Variants in HIVEP3 observed in about 807,000 individuals in gnomAD.
HIVEP3 encodes HIVEP zinc finger 3, also known as transcription factor HIVEP3.
Under a neutral mutation model 152.8 loss-of-function variants are expected in HIVEP3, and 49 were observed. That is an observed-to-expected ratio of 0.32 (90% confidence interval 0.26 to 0.41). The LOEUF (loss-of-function observed/expected upper bound fraction) is 0.41, where lower values mean the gene tolerates loss of function less well. Among genes scored for constraint, HIVEP3 ranks in the 10% least tolerant of loss-of-function variants. The probability of loss-of-function intolerance (pLI) is 1.00; values close to 1 mark genes in which losing one functional copy is unlikely to be tolerated. For synonymous variants in HIVEP3, 1,269 were observed against 1,289.0 expected (o/e 0.98, Z 0.33); for missense variants, 2,790 against 3,103.3 (o/e 0.90, Z 2.40).
chr1:41,801,032 A>G (rs1033251877), intron 1 of HIVEP3, among the ~76,000 whole-genome samples: 9 of 152,192 alleles, frequency 5.9e-5, no homozygotes, highest in Non-Finnish European at 1.0e-4. Context: ...ACAATTACTA[A>G]GTGGAGTTAA....
intron 3 of HIVEP3, among the ~76,000 whole-genome samples, chr1:41,595,612 A>T (rs1228233110): frequency 1.3e-5 from 2 of 152,156 alleles, no homozygotes; most frequent in Non-Finnish European, 2.9e-5. Flanking sequence ...ATCGAATGTC[A>T]ACTTGATTGG....
intron 1 of HIVEP3, among the ~76,000 whole-genome samples, chr1:41,978,728 C>T (rs942574689): frequency 6.6e-6 from 1 of 152,168 alleles, no homozygotes; most frequent in Non-Finnish European, 1.5e-5. Flanking sequence ...ACTAAGAATA[C>T]AGCAATAAAC....
chr1:41,592,622 C>T (rs35551789), intron 3 of HIVEP3, among the ~76,000 whole-genome samples: 7,615 of 152,212 alleles, frequency 0.05, 262 homozygotes, highest in African/African-American at 0.097. Context: ...AAGGTCAGGC[C>T]CACCTACTGG....
At chr1:41,877,132 CTTAAT>C (rs1344848206) in intron 1 of HIVEP3, among the ~76,000 whole-genome samples, 1 of 152,130 alleles carries the variant, frequency 6.6e-6, no homozygotes, top group African/African-American at 2.4e-5. Context: ...AGGAGAATAC[CTTAAT>C]TTAAGACTCC....
chr1:41,611,593 C>A (rs1644897401), intron 3 of HIVEP3, among the ~76,000 whole-genome samples: 1 of 152,230 alleles, frequency 6.6e-6, no homozygotes. Flanking sequence ...CCAAGGCAGG[C>A]AGGGGGTCTG....
In HIVEP3 at chr1:41,513,564, G is replaced by A. The variant is rs1261285198; in HGVS notation, c.5657C>T (p.Pro1886Leu). The A allele has an allele frequency of 1.2e-6, 2 of 1,612,326 alleles. No individual in the cohort carries two copies. Among genetic ancestry groups the A allele is most frequent in the Admixed American group, 3.3e-5 (2 of 59,918 alleles). ...RPSSEAPPPG[P>L]PHALRADSSP... ...GGAGTCTGCCCGCAGTGCATGTGGT[G>A]GGCCAGGCGGGGGCGCCTCTGAGGA... Residue 1886 changes from proline to leucine, a missense_variant, in exon 8 of 9, where the codon CCA becomes CTA. Physicochemically the swap from Pro to Leu is moderately conservative, Grantham distance 98. Around this residue, in one of 9 missense-constraint regions of HIVEP3, gnomAD observed 816 missense variants for 806.5 expected, o/e 1.01. Coordinates refer to ENST00000372583, the MANE Select transcript of HIVEP3 (RefSeq NM_024503.5).
chr1:41,865,773 C>T (rs1242834653), intron 1 of HIVEP3, among the ~76,000 whole-genome samples: 2 of 152,122 alleles, frequency 1.3e-5, no homozygotes, highest in African/African-American at 4.8e-5. Context: ...TTAAAATTTA[C>T]AGCAATAGCA....
intron 1 of HIVEP3, among the ~76,000 whole-genome samples, chr1:41,886,043 T>C (rs1475464218): frequency 6.6e-6 from 1 of 152,132 alleles, no homozygotes. Flanking sequence ...AATATATTCT[T>C]AGAATCATGT....
chr1:41,938,211 A>G (rs748565900), intron 1 of HIVEP3, among the ~76,000 whole-genome samples: 13 of 152,260 alleles, frequency 8.5e-5, no homozygotes, highest in Admixed American at 2.6e-4. Flanking sequence ...ATTGTCTCTC[A>G]TAGCACCACA....
At chr1:41,966,415 A>G (rs984852465) in intron 1 of HIVEP3, among the ~76,000 whole-genome samples, 1 of 152,008 alleles carries the variant, frequency 6.6e-6, no homozygotes, top group African/African-American at 2.4e-5. Flanking sequence ...AAATGCCCTA[A>G]TTAAAAGACA....
intron 1 of HIVEP3, among the ~76,000 whole-genome samples, chr1:41,851,055 C>A (rs563421475): frequency 9.9e-5 from 15 of 152,272 alleles, no homozygotes; most frequent in African/African-American, 3.6e-4. Context: ...TCAGCCTTCT[C>A]TACACTCCTT....
chr1:41,731,568 G>A (rs1646840200), intron 1 of HIVEP3, among the ~76,000 whole-genome samples: 1 of 152,244 alleles, frequency 6.6e-6, no homozygotes, highest in African/African-American at 2.4e-5. Context: ...TAAAGAGATT[G>A]TGGCTTCTAC....
chr1:41,595,605 G>C (rs1042379550), intron 3 of HIVEP3, among the ~76,000 whole-genome samples: 48 of 152,268 alleles, frequency 3.2e-4, no homozygotes, highest in Admixed American at 3.0e-3. Flanking sequence ...GATTAATATC[G>C]AATGTCAACT....
chr1:41,673,909 C>T (rs1310693620), intron 2 of HIVEP3, among the ~76,000 whole-genome samples: 2 of 152,176 alleles, frequency 1.3e-5, no homozygotes, highest in Non-Finnish European at 2.9e-5. Flanking sequence ...GTGGGACCTC[C>T]CTGAACCCCC....
intron 5 of HIVEP3, among the ~76,000 whole-genome samples, chr1:41,565,906 C>A (rs552967606): frequency 9.8e-5 from 15 of 152,342 alleles, no homozygotes; most frequent in African/African-American, 3.6e-4. Context: ...CATACTCAGA[C>A]ACTCAGTCTG....
chr1:41,674,398 A>G (rs1300465501), intron 2 of HIVEP3, among the ~76,000 whole-genome samples: 4 of 152,244 alleles, frequency 2.6e-5, no homozygotes. Flanking sequence ...GTTCAGTGGC[A>G]TTCATGCTTA....
chr1:41,697,676 C>T (rs1646297876), intron 2 of HIVEP3, among the ~76,000 whole-genome samples: 1 of 152,196 alleles, frequency 6.6e-6, no homozygotes, highest in Admixed American at 6.5e-5. Context: ...CACCCCTCTG[C>T]AACGCCAGAT....
intron 1 of HIVEP3, among the ~76,000 whole-genome samples, chr1:41,781,609 G>A (rs762893754): frequency 1.3e-5 from 2 of 152,172 alleles, no homozygotes; most frequent in Non-Finnish European, 2.9e-5. Context: ...CACAGAAGGA[G>A]CTCTTCTGCC....
At chr1:41,889,142 C>G (rs1557489427) in intron 1 of HIVEP3, among the ~76,000 whole-genome samples, 1 of 149,622 alleles carries the variant, frequency 6.7e-6, no homozygotes, top group Non-Finnish European at 1.5e-5. Flanking sequence ...CCCCCACATA[C>G]CTCACACATC....
Sources: allele counts gnomAD v4.1 joint callset (sites outside exome capture counted in the v4.1 genomes callset), GRCh38; gene constraint gnomAD v4.1.1; regional missense constraint gnomAD v4.1.1; transcripts MANE v1.5; gene names NCBI Gene and HGNC (gene_info 2026-07-23, HGNC 2026-07-21).